SHISA9: variants seen among roughly 807,000 people sequenced by gnomAD.
The protein encoded by SHISA9 is shisa family member 9.
SHISA9 carries 13 observed loss-of-function variants against 38.0 expected under a neutral mutation model. The ratio of observed to expected loss-of-function variants is 0.34; its 90% CI spans 0.22 to 0.54. SHISA9 has a LOEUF of 0.54. Ranked by LOEUF, SHISA9 falls within the 20% of genes least tolerant of loss-of-function variation. The pLI, the probability that SHISA9 is intolerant of heterozygous loss-of-function variation, is 0.91. For synonymous variants in SHISA9, 275 were observed against 242.0 expected, an observed-to-expected ratio of 1.14 and a Z score of -1.27; for missense variants, 538 against 575.8, an observed-to-expected ratio of 0.93 and a Z score of 0.67.
chr16:12,924,888 A>C (rs2071374086), intron 2 of SHISA9, among the ~76,000 whole-genome samples: 1 of 152,112 alleles, frequency 6.6e-6, no homozygotes, highest in South Asian at 2.1e-4. Flanking sequence ...AATTCTCTGA[A>C]CCTCAGTTTC....
At chr16:12,914,971 G>T (rs1482505556) in intron 1 of SHISA9, among the ~76,000 whole-genome samples, 2 of 152,204 alleles carry the variant, frequency 1.3e-5, no homozygotes, top group Admixed American at 1.3e-4. Flanking sequence ...CAGCAGACAG[G>T]CTGGGCCTGC....
chr16:13,021,964 G>A (rs1013081359), intron 2 of SHISA9, among the ~76,000 whole-genome samples: 3 of 152,170 alleles, frequency 2.0e-5, no homozygotes, highest in African/African-American at 7.2e-5. Context: ...GAGGCAGTAA[G>A]TCTGAAATCA....
At chr16:13,319,458 A>G in the SHISA9 span, among the ~76,000 whole-genome samples, 2 of 152,206 alleles carry the variant, frequency 1.3e-5, no homozygotes, top group East Asian at 1.9e-4. Context: ...TAAACCCTAC[A>G]TGAATAAGAG....
At chr16:13,213,513 G>C (rs1485987826) in intron 4 of SHISA9, among the ~76,000 whole-genome samples, 1 of 152,118 alleles carries the variant, frequency 6.6e-6, no homozygotes, top group African/African-American at 2.4e-5. Flanking sequence ...CAACGTGGTA[G>C]CCCTCACTTC....
At chr16:12,987,818 C>A (rs978247173) in intron 2 of SHISA9, among the ~76,000 whole-genome samples, 1 of 152,128 alleles carries the variant, frequency 6.6e-6, no homozygotes, top group African/African-American at 2.4e-5. Flanking sequence ...CTACCAGGCA[C>A]GATGCTAAAC....
chr16:13,025,248 T>C (rs542486032), intron 2 of SHISA9, among the ~76,000 whole-genome samples: 1 of 152,214 alleles, frequency 6.6e-6, no homozygotes, highest in East Asian at 1.9e-4. Flanking sequence ...CCAGTAATTT[T>C]CAACATTTGT....
intron 2 of SHISA9, among the ~76,000 whole-genome samples, chr16:13,138,457 G>A (rs964008022): frequency 5.3e-5 from 8 of 152,072 alleles, no homozygotes; most frequent in Non-Finnish European, 1.0e-4. Context: ...TAACAGGGGC[G>A]GCATCTTCAT....
the SHISA9 span, among the ~76,000 whole-genome samples, chr16:13,277,869 G>A: frequency 2.6e-5 from 4 of 151,994 alleles, no homozygotes; most frequent in African/African-American, 7.2e-5. Flanking sequence ...AAACAGTGAC[G>A]ATTTAACGTC....
chr16:13,518,000 C>A, the SHISA9 span, among the ~76,000 whole-genome samples: 2 of 152,160 alleles, frequency 1.3e-5, no homozygotes. Flanking sequence ...TGCCGGGTTG[C>A]TGAGCAGCTG....
intron 2 of SHISA9, among the ~76,000 whole-genome samples, chr16:13,102,197 A>T (rs983595602): frequency 6.6e-6 from 1 of 152,206 alleles, no homozygotes; most frequent in Admixed American, 6.5e-5. Context: ...GCTCAACCCT[A>T]GGACTAGAAT....
the SHISA9 span, among the ~76,000 whole-genome samples, chr16:13,531,897 A>T: frequency 1.3e-5 from 2 of 152,222 alleles, no homozygotes; most frequent in Non-Finnish European, 1.5e-5. Context: ...GTACTCGAGC[A>T]CTTTCATACC....
At chr16:13,360,130 G>A in the SHISA9 span, among the ~76,000 whole-genome samples, 1 of 152,210 alleles carries the variant, frequency 6.6e-6, no homozygotes, top group East Asian at 1.9e-4. Context: ...ATCTCAGGAT[G>A]TTGCATTCTT....
At chr16:13,065,709 A>G (rs560723586) in intron 2 of SHISA9, among the ~76,000 whole-genome samples, 1 of 152,364 alleles carries the variant, frequency 6.6e-6, no homozygotes, top group African/African-American at 2.4e-5. Context: ...AAAGGAAAAT[A>G]AAAGTTTCCG....
chr16:12,984,023 A>C (rs1035822620), intron 2 of SHISA9, among the ~76,000 whole-genome samples: 4 of 152,042 alleles, frequency 2.6e-5, no homozygotes, highest in Non-Finnish European at 5.9e-5. Flanking sequence ...AAAAAATGTA[A>C]ATACTTGCTT....
intron 2 of SHISA9, among the ~76,000 whole-genome samples, chr16:13,115,059 T>A (rs112287800): frequency 1.7e-4 from 26 of 152,326 alleles, no homozygotes; most frequent in African/African-American, 6.3e-4. Flanking sequence ...CATTATCATA[T>A]TTATGTATCT....
chr16:12,979,018 G>A (rs533671968), intron 2 of SHISA9, among the ~76,000 whole-genome samples: 34 of 152,098 alleles, frequency 2.2e-4, no homozygotes, highest in Non-Finnish European at 8.8e-5. Flanking sequence ...CCAAATCCTC[G>A]TTATACACCT....
intron 2 of SHISA9, among the ~76,000 whole-genome samples, chr16:13,047,014 A>G (rs1183275238): frequency 2.6e-5 from 4 of 152,046 alleles, no homozygotes; most frequent in Non-Finnish European, 5.9e-5. Context: ...AGCCTGATAA[A>G]TCGTATTCAT....
chr16:13,352,787 G>C, the SHISA9 span, among the ~76,000 whole-genome samples: 15 of 149,898 alleles, frequency 1.0e-4, no homozygotes, highest in Non-Finnish European at 2.2e-4. Context: ...GCGGGCAGGA[G>C]TGGGGGTCAC....
At chr16:13,267,653 A>C in the SHISA9 span, among the ~76,000 whole-genome samples, 1 of 152,170 alleles carries the variant, frequency 6.6e-6, no homozygotes, top group Non-Finnish European at 1.5e-5. Flanking sequence ...ATGAGGAGGA[A>C]AGGTTAGGTA....
Sources: allele counts gnomAD v4.1 joint callset (sites outside exome capture counted in the v4.1 genomes callset), GRCh38; gene constraint gnomAD v4.1.1; transcripts MANE v1.5; gene names NCBI Gene and HGNC (gene_info 2026-07-23, HGNC 2026-07-21).